Variants in ST14 observed in about 807,000 individuals in gnomAD.
ST14 encodes ST14 transmembrane serine protease matriptase.
Under a neutral mutation model 96.5 loss-of-function variants are expected in ST14, and 40 were observed. That is an observed-to-expected ratio of 0.41 (90% CI 0.32 to 0.54). The LOEUF is 0.54. ST14 is among the 20% of genes least tolerant of loss of function. ST14 has a pLI of 0.17. For missense variants in ST14, 1,066 were observed against 1,188.9 expected (o/e 0.90, Z 1.52); for synonymous variants, 506 against 492.1 (o/e 1.03, Z -0.37).
In ST14 at chr11:130,188,192, C is replaced by A. The variant is rs749874221; in HGVS notation, c.160C>A (p.Arg54Ser). 1.2e-6 allele frequency: 2 copies of A among 1,614,152 alleles called. No homozygotes were observed. Among genetic ancestry groups the A allele is most frequent in the Admixed American group, 1.7e-5 (1 of 60,022 alleles). ...GAAGGTGGAAAAGCATGGCCCGGGG[C>A]GCTGGGTGGTGCTGGCAGCCGTGCT... ...VKKVEKHGPG[R>S]WVVLAAVLIG... is the part of the protein sequence containing the mutation. Residue 54 changes from arginine (R) to serine (S), a missense_variant, in exon 2 of 19, where the codon CGC becomes AGC. By Grantham distance (110) the Arg-to-Ser change is moderately radical. Transcript: ENST00000278742. This position sits in a 1 kb window ranked among gnomAD's most constrained non-coding sequence, Gnocchi z 5.4.
intron 11 of ST14, 144 bp from the exon 12 acceptor site, chr11:130,197,697 C>A: frequency 1.5e-6 from 1 of 664,924 alleles, no homozygotes; most frequent in Non-Finnish European, 2.5e-6. Context: ...GCTTGGTGGG[C>A]CTGGGTAACC....
intron 1 of ST14, among the ~76,000 whole-genome samples, chr11:130,185,055 T>C (rs1298033484): frequency 1.3e-5 from 2 of 152,160 alleles, no homozygotes; most frequent in Non-Finnish European, 2.9e-5. Flanking sequence ...AGCTTGTTTC[T>C]AAATAAAAAT....
chr11:130,205,508 C>A (rs561852366), intron 16 of ST14, among the ~76,000 whole-genome samples: 1 of 152,152 alleles, frequency 6.6e-6, no homozygotes, highest in African/African-American at 2.4e-5. Flanking sequence ...TTTGCACCCG[C>A]ATGTATTTTT....
At chr11:130,196,219 T>C in intron 9 of ST14, 120 bp from the exon 10 acceptor site, 1 of 773,452 alleles carries the variant, frequency 1.3e-6, no homozygotes, top group Non-Finnish European at 2.2e-6. Flanking sequence ...TTGCAACCTG[T>C]CTTGGTGATG....
chr11:130,168,798 C>T (rs1953063408), intron 1 of ST14, among the ~76,000 whole-genome samples: 1 of 152,150 alleles, frequency 6.6e-6, no homozygotes. Context: ...ATAGTTGGTC[C>T]TTTCCCCAAA....
chr11:130,188,673 C>T lies in ST14; in HGVS notation c.369+16C>T, dbSNP rs1953263418. Reference sequence around the variant, plus strand: ...GAAGGACGCGGTGAGTGCAGCCTGCCCAGAGTCCTGCTGGGCTGTGTGCGC... The same window carrying T: ...GAAGGACGCGGTGAGTGCAGCCTGCTCAGAGTCCTGCTGGGCTGTGTGCGC... On this transcript the variant is annotated intron_variant, in intron 3 of 18. Coordinates refer to ENST00000278742, the MANE Select transcript of ST14 (RefSeq NM_021978.4). This position sits in a 1 kb window ranked among gnomAD's most constrained non-coding sequence, Gnocchi z 5.4. 10 of 1,614,016 alleles carry T rather than the reference C, an allele frequency of 6.2e-6. No individual in the cohort carries two copies. Among genetic ancestry groups the T allele is most frequent in the Non-Finnish European group, 8.5e-6 (10 of 1,180,032 alleles).
At chr11:130,192,867 A>T (rs1056126463) in intron 7 of ST14, among the ~76,000 whole-genome samples, 1 of 152,158 alleles carries the variant, frequency 6.6e-6, no homozygotes, top group Non-Finnish European at 1.5e-5. Flanking sequence ...GTTTAGAAGG[A>T]GGGGACACAA....
In ST14 at chr11:130,187,663, G is replaced by A. The variant is rs528506622; in HGVS notation, c.82-451G>A. Among the ~76,000 whole-genome samples the A allele has an allele frequency of 3.9e-5, 6 of 152,246 alleles. No individual in the cohort carries two copies. The South Asian group carries it at 8.3e-4, about 21-fold the overall frequency. On this transcript the variant is annotated intron_variant, in intron 1 of 18. Coordinates refer to ENST00000278742, the MANE Select transcript of ST14 (RefSeq NM_021978.4). This position sits in a 1 kb window ranked among gnomAD's most constrained non-coding sequence, Gnocchi z 4.5. ...ATTGAATCTGGTAGGGGCTGTGTCC[G>A]AGGGAGCAGGGCCTGCTCCTAGAAG...
At chr11:130,173,590 T>A (rs1289986815) in intron 1 of ST14, among the ~76,000 whole-genome samples, 2 of 146,402 alleles carry the variant, frequency 1.4e-5, no homozygotes, top group African/African-American at 5.2e-5. Context: ...AGCGAGACTC[T>A]GTCTCAAAAA....
chr11:130,168,332 T>G (rs891756850), intron 1 of ST14, among the ~76,000 whole-genome samples: 1 of 152,172 alleles, frequency 6.6e-6, no homozygotes, highest in Non-Finnish European at 1.5e-5. Flanking sequence ...AAGGGTGAGA[T>G]GGAACCAGAT....
chr11:130,199,084 C>G lies in ST14; in HGVS notation c.1807+15C>G. The G allele has an allele frequency of 6.2e-7, 1 of 1,611,770 alleles. No homozygotes were observed. Among genetic ancestry groups the G allele is most frequent in the African/African-American group, 1.3e-5 (1 of 75,018 alleles). The stretch of plus-strand genomic sequence containing the variant: ...GAAGGACTGCGGTGAGCAGGGCATC[C>G]GAGTACGGTTGTGCAGGTTGTTCAC... On this transcript the variant is annotated intron_variant, in intron 15 of 18. Coordinates refer to ENST00000278742, the MANE Select transcript of ST14 (RefSeq NM_021978.4).
In ST14 at chr11:130,196,435, A is replaced by G. The variant is rs776654305; in HGVS notation, c.1210A>G (p.Ile404Val). The change falls in exon 10 of 19, where the codon ATC (isoleucine) becomes GTC (valine). Residue 404 changes from isoleucine to valine, a missense_variant. Coordinates refer to ENST00000278742, the MANE Select transcript of ST14 (RefSeq NM_021978.4). ...CACCTGCCCCAAGGACTACGTGGAGATCAACGGGGAGAAGTGAGTCCCCGG... is the reference window on the plus strand; with the variant it reads ...CACCTGCCCCAAGGACTACGTGGAGGTCAACGGGGAGAAGTGAGTCCCCGG... ...AGTCPKDYVE[I>V]NGEKYCGERS... 3.1e-6 allele frequency: 5 copies of G among 1,609,004 alleles called. No individual in the cohort carries two copies. The highest frequency in any genetic ancestry group is 4.2e-6 in the Non-Finnish European group (5 of 1,177,932).
At chr11:130,179,358 C>A (rs1953169744) in intron 1 of ST14, among the ~76,000 whole-genome samples, 1 of 152,158 alleles carries the variant, frequency 6.6e-6, no homozygotes, top group Non-Finnish European at 1.5e-5. Flanking sequence ...TAGGCTTTTG[C>A]AGGTTTCGTG....
At chr11:130,198,899 G>A in intron 14 of ST14, 48 bp from the exon 15 acceptor site, 1 of 1,612,528 alleles carries the variant, frequency 6.2e-7, no homozygotes, top group Non-Finnish European at 8.5e-7. Context: ...CTTCTGGTCG[G>A]ATGCTGCAGA....
intron 1 of ST14, among the ~76,000 whole-genome samples, chr11:130,166,648 G>A (rs533474185): frequency 2.6e-5 from 4 of 152,250 alleles, no homozygotes; most frequent in East Asian, 3.9e-4. Context: ...GATAGGCTGC[G>A]CTGAGCAGAA....
chr11:130,183,808 G>A (rs1480527253), intron 1 of ST14, among the ~76,000 whole-genome samples: 2 of 152,250 alleles, frequency 1.3e-5, no homozygotes, highest in East Asian at 3.9e-4. Context: ...TTGCTGATAT[G>A]CCAGTACAAA....
rs1953339667 is a variant in ST14 at position 130,194,667 on chromosome 11, A to G, written c.1043A>G (p.Gln348Arg). Residue 348 changes from glutamine (Q) to arginine (R), a missense_variant, in exon 9 of 19, where the codon CAG (glutamine) becomes CGG (arginine). Gln to Arg is a conservative substitution (Grantham distance 43). Transcript: ENST00000278742. ...TGTGGAGGCCGCTTACGTAAAGCCC[A>G]GGGGACATTCAACAGCCCCTACTAC... ...SSCGGRLRKA[Q>R]GTFNSPYYPG... The G allele has an allele frequency of 1.2e-6, 2 of 1,614,174 alleles. No homozygotes were observed. Among genetic ancestry groups the G allele is most frequent in the South Asian group, 1.1e-5 (1 of 91,076 alleles).
At position 130,208,553 on chromosome 11, in the gene ST14, C is replaced by A; in HGVS notation, c.2138C>A (p.Ala713Glu). 7 of 1,614,220 alleles carry A rather than the reference C, an allele frequency of 4.3e-6. No homozygotes were observed. The highest frequency in any genetic ancestry group is 5.1e-6 in the Non-Finnish European group (6 of 1,180,044). ...FNDFTFDYDI[A>E]LLELEKPAEY... ...GACTTCACCTTCGACTATGACATCG[C>A]GCTGCTGGAGCTGGAGAAACCGGCA... is the stretch of plus-strand genomic sequence containing the variant. The change falls in exon 17 of 19, where the codon GCG becomes GAG. Residue 713 changes from alanine (A) to glutamate (E), a missense_variant. Ala to Glu is a moderately radical substitution (Grantham distance 107). Coordinates refer to ENST00000278742, the MANE Select transcript of ST14 (RefSeq NM_021978.4).
At chr11:130,168,030 A>C (rs866991129) in intron 1 of ST14, among the ~76,000 whole-genome samples, 48 of 152,114 alleles carry the variant, frequency 3.2e-4, no homozygotes, top group African/African-American at 1.1e-3. Flanking sequence ...TTTTCATTTA[A>C]CATTCTATCT....
Sources: gnomAD v4.1 joint callset for allele counts (sites outside exome capture counted in the v4.1 genomes callset) on GRCh38, gnomAD v4.1.1 for gene constraint, Gnocchi (gnomAD v3.1) non-coding constraint, MANE v1.5 for transcripts, NCBI Gene and HGNC (gene_info 2026-07-23, HGNC 2026-07-21) for gene names.